NUP153: variants seen among roughly 807,000 people sequenced by gnomAD.
NUP153 encodes the protein nucleoporin 153.
NUP153 carries 27 observed loss-of-function variants against 134.6 expected under a neutral mutation model. The ratio of observed to expected loss-of-function variants is 0.20; its 90% confidence interval spans 0.15 to 0.28. The LOEUF (loss-of-function observed/expected upper bound fraction) is 0.28. Ranked by LOEUF, NUP153 falls within the 10% of genes least tolerant of loss-of-function variation. NUP153 has a pLI of 1.00. For missense variants in NUP153, 1,821 were observed against 1,731.3 expected, an observed-to-expected ratio of 1.05 and a Z score of -0.92; for synonymous variants, 640 against 623.5, an observed-to-expected ratio of 1.03 and a Z score of -0.40.
chr6:17,694,334 G>T (rs1443433652), intron 1 of NUP153, among the ~76,000 whole-genome samples: 1 of 152,156 alleles, frequency 6.6e-6, no homozygotes, highest in Non-Finnish European at 1.5e-5. Context: ...TTTATGTACT[G>T]TTTTACAGAG....
chr6:17,669,606 C>T, intron 5 of NUP153, 60 bp from the exon 6 acceptor site: 1 of 1,131,352 alleles, frequency 8.8e-7, no homozygotes, highest in Non-Finnish European at 1.3e-6. Flanking sequence ...ATATTTCATG[C>T]AGTGAAAATA....
chr6:17,673,803 T>TTA (rs1768055831), intron 5 of NUP153, among the ~76,000 whole-genome samples: 1 of 152,188 alleles, frequency 6.6e-6, no homozygotes, highest in Non-Finnish European at 1.5e-5. Context: ...TGGCAGTTTA[T>TTA]TATAAAGTTT....
chr6:17,620,231 T>C (rs80114459), intron 20 of NUP153, among the ~76,000 whole-genome samples: 6,225 of 151,844 alleles, frequency 0.041, 397 homozygotes, highest in East Asian at 0.29. Flanking sequence ...ACTATCTGAC[T>C]TCAAAATATA....
chr6:17,655,080 T>C, intron 11 of NUP153, among the ~76,000 whole-genome samples: 1 of 152,090 alleles, frequency 6.6e-6, no homozygotes, highest in East Asian at 1.9e-4. Flanking sequence ...TATATACTGC[T>C]ACATGTTTTG....
At chr6:17,689,196 A>C (rs1234605506) in intron 1 of NUP153, among the ~76,000 whole-genome samples, 2 of 151,822 alleles carry the variant, frequency 1.3e-5, no homozygotes, top group Non-Finnish European at 2.9e-5. Context: ...GACCAGCCTG[A>C]CCAACATGGA....
chr6:17,629,560 C>A, intron 17 of NUP153, 21 bp from the exon 18 acceptor site: 1 of 1,557,748 alleles, frequency 6.4e-7, no homozygotes, highest in Non-Finnish European at 8.6e-7. Flanking sequence ...ATAAAAGACA[C>A]CACATAGACA....
At chr6:17,624,878 C>A in intron 19 of NUP153, 45 bp from the exon 20 acceptor site, 1 of 1,488,632 alleles carries the variant, frequency 6.7e-7, no homozygotes, top group South Asian at 1.4e-5. Flanking sequence ...TGGCTAATGT[C>A]AGATTATCCT....
chr6:17,625,788 T>G lies in NUP153; in HGVS notation c.3901+20A>C, dbSNP rs1332959210. ...TAAAGTCCATCCAATTACAATGCAT[T>G]TTTTCTTTTGTAAATGTACCTGCAG... On this transcript the variant is annotated intron_variant, in intron 19 of 21. Coordinates refer to ENST00000262077, the MANE Select transcript of NUP153 (RefSeq NM_005124.4). This position sits in a 1 kb window ranked among gnomAD's most constrained non-coding sequence, Gnocchi z 4.7. The G allele has an allele frequency of 6.4e-7, 1 of 1,568,976 alleles. No homozygotes were observed. Among genetic ancestry groups the G allele is most frequent in the Non-Finnish European group, 8.8e-7 (1 of 1,140,754 alleles).
At chr6:17,701,832 CG>C (rs59685451) in intron 1 of NUP153, among the ~76,000 whole-genome samples, 5 of 44,420 alleles carry the variant, frequency 1.1e-4, no homozygotes, top group African/African-American at 5.2e-4. Context: ...GACTCTGTCT[CG>C]GGGGGGGGGG....
intron 16 of NUP153, 135 bp downstream of exon 16, chr6:17,637,018 C>A: frequency 1.1e-6 from 1 of 874,426 alleles, no homozygotes; most frequent in South Asian, 1.8e-5. Context: ...ACATTTTTAC[C>A]TCAAGATAGT....
At chr6:17,660,539 A>AG (rs1767114514) in intron 11 of NUP153, among the ~76,000 whole-genome samples, 1 of 151,766 alleles carries the variant, frequency 6.6e-6, no homozygotes, top group African/African-American at 2.4e-5. Context: ...AACTCTTTCT[A>AG]ATAATAAATT....
intron 2 of NUP153, among the ~76,000 whole-genome samples, chr6:17,682,935 A>AC (rs1554145027): frequency 6.6e-6 from 1 of 151,508 alleles, no homozygotes; most frequent in Admixed American, 6.6e-5. Flanking sequence ...GAAAAAAAAA[A>AC]AAAAAAACAC....
Position 17,646,048 on chromosome 6 carries a change from G to GT in NUP153, c.1720+18dup, listed in dbSNP as rs780826693. 4.3e-5 allele frequency: 50 copies of GT among 1,164,578 alleles called. No homozygotes were observed. In the Middle Eastern group the frequency reaches 2.1e-3, roughly 48 times the overall value. 72.1% of individuals were successfully genotyped at this position (1,164,578 alleles called of 1,614,324 possible). ...TATGCAATTGTTTGTATGTTAAAATGTAAGAAATTTTTACTTACCTGAACT... is the reference window on the plus strand; with the variant it reads ...TATGCAATTGTTTGTATGTTAAAATGTTAAGAAATTTTTACTTACCTGAACT... On this transcript the variant is annotated intron_variant, in intron 14 of 21. Coordinates refer to ENST00000262077, the MANE Select transcript of NUP153 (RefSeq NM_005124.4).
intron 2 of NUP153, among the ~76,000 whole-genome samples, chr6:17,687,661 A>T (rs1769015831): frequency 6.6e-6 from 1 of 152,216 alleles, no homozygotes; most frequent in African/African-American, 2.4e-5. Context: ...CAGGGCATAC[A>T]ACCAAATCAA....
intron 2 of NUP153, among the ~76,000 whole-genome samples, chr6:17,682,443 G>T (rs1768645989): frequency 6.6e-6 from 1 of 152,126 alleles, no homozygotes; most frequent in Admixed American, 6.5e-5. Context: ...TTCCTTTAAC[G>T]AAAGATTTCT....
intron 9 of NUP153, 80 bp downstream of exon 9, chr6:17,665,159 T>A (rs559845767): frequency 9.7e-7 from 1 of 1,034,728 alleles, no homozygotes; most frequent in Non-Finnish European, 1.4e-6. Context: ...TAGAATACAA[T>A]GGTAGTTATA....
rs1765095178 is a variant in NUP153, at chr6:17,629,075, AGGTCACTAT to A, written c.3115_3123del (p.Ile1039_Thr1041del). 7.4e-6 allele frequency: 12 copies of A among 1,614,206 alleles called. No homozygotes were observed. The highest frequency in any genetic ancestry group is 1.0e-5 in the Non-Finnish European group (12 of 1,180,030). On this transcript the variant is annotated inframe_deletion, in exon 18 of 22. Coordinates refer to ENST00000262077, the MANE Select transcript of NUP153 (RefSeq NM_005124.4). ...AGGTTGAAGCTGCTCTTGTTCTCAG[AGGTCACTAT>A]GGTGTTAGCAGGAGCAGGGGTGGAG...
rs930270352 is a variant in NUP153 at position 17,628,412 on chromosome 6, G to T, written c.3544+243C>A. ...GACACACATAAATATGCACTATATT[G>T]AGCTTTGCATTACTGCTGTATTTCT... is the stretch of plus-strand genomic sequence containing the variant. On this transcript the variant is annotated intron_variant, in intron 18 of 21. Transcript: ENST00000262077. The surrounding 1 kb of genome is among the most constrained non-coding windows in gnomAD (Gnocchi z 5.4). Among the ~76,000 whole-genome samples the T allele has an allele frequency of 9.9e-5, 15 of 151,992 alleles. No homozygotes were observed. Among genetic ancestry groups the T allele is most frequent in the African/African-American group, 3.1e-4 (13 of 41,382 alleles).
chr6:17,625,951 A>G lies in NUP153; in HGVS notation c.3758T>C (p.Leu1253Pro). 6.2e-7 allele frequency: 1 copy of G among 1,614,212 alleles called. No individual in the cohort carries two copies. The highest frequency in any genetic ancestry group is 8.5e-7 in the Non-Finnish European group (1 of 1,180,038). ...TAESSTSQSL[L>P]FSQDSKLATT... ...TGCTAGTTTGCTATCTTGAGAAAAT[A>G]GCAAAGACTGAGAGGTGCTGGATTC... Residue 1253 changes from leucine to proline, a missense_variant, in exon 19 of 22, where the codon CTA (leucine) becomes CCA (proline). Transcript: ENST00000262077. This position sits in a 1 kb window ranked among gnomAD's most constrained non-coding sequence, Gnocchi z 4.7.
Sources: allele counts gnomAD v4.1 joint callset (sites outside exome capture counted in the v4.1 genomes callset), GRCh38; gene constraint gnomAD v4.1.1; non-coding constraint Gnocchi (gnomAD v3.1); transcripts MANE v1.5; gene names NCBI Gene and HGNC (gene_info 2026-07-23, HGNC 2026-07-21).